MMP16: variants seen among roughly 807,000 people sequenced by gnomAD.
MMP16 encodes the protein matrix metalloproteinase-16.
Under a neutral mutation model 67.8 loss-of-function variants are expected in MMP16, and 12 were observed. The ratio of observed to expected loss-of-function variants is 0.18; its 90% CI spans 0.11 to 0.29. MMP16 has a LOEUF of 0.29. Ranked by LOEUF, MMP16 falls within the 10% of genes least tolerant of loss-of-function variation. The pLI is 1.00. For synonymous variants in MMP16, 249 were observed against 255.9 expected, an observed-to-expected ratio of 0.97 and a Z score of 0.26; for missense variants, 475 against 765.7, an observed-to-expected ratio of 0.62 and a Z score of 4.48.
At chr8:88,077,382 A>T (rs914484732) in intron 6 of MMP16, among the ~76,000 whole-genome samples, 1 of 152,166 alleles carries the variant, frequency 6.6e-6, no homozygotes, top group Admixed American at 6.6e-5. Flanking sequence ...AATTTTCCTT[A>T]TAAGTGAGAC....
At chr8:88,060,949 G>A (rs1344860425) in intron 7 of MMP16, among the ~76,000 whole-genome samples, 1 of 152,000 alleles carries the variant, frequency 6.6e-6, no homozygotes. Context: ...TTGGAATCTT[G>A]TTAGTACAGC....
At chr8:88,117,379 CA>C (rs1809453729) in intron 5 of MMP16, among the ~76,000 whole-genome samples, 1 of 152,070 alleles carries the variant, frequency 6.6e-6, no homozygotes. Flanking sequence ...CCAAAGTTTA[CA>C]CATGTAATTT....
chr8:88,043,604 A>C (rs1339216171), intron 9 of MMP16, among the ~76,000 whole-genome samples: 1 of 152,214 alleles, frequency 6.6e-6, no homozygotes, highest in African/African-American at 2.4e-5. Flanking sequence ...AAGAACTCTG[A>C]CATCTCTCAA....
rs984310920 is a variant in MMP16 at position 88,036,641 on chromosome 8, C to T, written c.*4820G>A. On this transcript the variant is annotated 3_prime_UTR_variant, in exon 10 of 10. Transcript: ENST00000286614. ...ACAATATATCAACAACATGAAGGTA[C>T]ATGAAATACAGCCGAATGATTAGAT... 3 of 151,748 alleles carry T rather than the reference C, an allele frequency of 2.0e-5. No homozygotes were observed. The highest frequency in any genetic ancestry group is 4.4e-5 in the Non-Finnish European group (3 of 67,800). The allele number at this position is 151,748 out of a possible 1,614,324, so 9.4% of individuals were successfully genotyped here.
In MMP16 at chr8:88,113,376, T is replaced by C. The variant is rs941979359; in HGVS notation, c.1083+3131A>G. ...AAATTTAGGAGAAAATAAGTGTTGATGGGCAAGGGTTGAGGAGATGAAGAC... is the reference window on the plus strand; with the variant it reads ...AAATTTAGGAGAAAATAAGTGTTGACGGGCAAGGGTTGAGGAGATGAAGAC... On this transcript the variant is annotated intron_variant, in intron 6 of 9. Coordinates refer to ENST00000286614, the MANE Select transcript of MMP16 (RefSeq NM_005941.5). Among the ~76,000 whole-genome samples the C allele has an allele frequency of 3.3e-5, 5 of 151,750 alleles. No homozygotes were observed. In the South Asian group the frequency reaches 8.3e-4, roughly 25 times the overall value.
intron 6 of MMP16, among the ~76,000 whole-genome samples, chr8:88,091,746 T>C (rs778465120): frequency 3.0e-4 from 46 of 152,022 alleles, no homozygotes; most frequent in Admixed American, 6.6e-4. Flanking sequence ...TCTAGATTTG[T>C]GCTGTCAATA....
intron 3 of MMP16, among the ~76,000 whole-genome samples, chr8:88,171,384 C>T (rs1456091861): frequency 6.6e-6 from 1 of 152,136 alleles, no homozygotes; most frequent in African/African-American, 2.4e-5. Flanking sequence ...ATGCTGATGA[C>T]ACTGGGCCTA....
In MMP16 at chr8:88,292,366, C is replaced by T. The variant is rs143278537; in HGVS notation, c.132+34709G>A. Among the ~76,000 whole-genome samples the T allele has an allele frequency of 4.6e-5, 7 of 152,186 alleles. No individual in the cohort carries two copies. In the East Asian group the frequency reaches 1.2e-3, roughly 25 times the overall value. ...TAAGAACATACCCATATACAAATAC[C>T]GCATTCAACTTCAGAGAGTTCACAG... On this transcript the variant is annotated intron_variant, in intron 1 of 9. Coordinates refer to ENST00000286614, the MANE Select transcript of MMP16 (RefSeq NM_005941.5).
chr8:88,126,630 G>A (rs1807936014), intron 4 of MMP16, among the ~76,000 whole-genome samples: 2 of 151,776 alleles, frequency 1.3e-5, no homozygotes, highest in African/African-American at 4.8e-5. Flanking sequence ...ACATGATTGT[G>A]GTAATCACTT....
intron 2 of MMP16, among the ~76,000 whole-genome samples, chr8:88,193,646 A>G (rs774491231): frequency 1.3e-5 from 2 of 152,080 alleles, no homozygotes; most frequent in Non-Finnish European, 2.9e-5. Context: ...TACCCCAACT[A>G]CCCTGATTTG....
At chr8:88,180,872 G>C (rs1808968586) in intron 3 of MMP16, among the ~76,000 whole-genome samples, 1 of 152,052 alleles carries the variant, frequency 6.6e-6, no homozygotes, top group Non-Finnish European at 1.5e-5. Context: ...AGATATGCAA[G>C]GCTGATTCAA....
chr8:88,206,251 A>C (rs1519932), intron 1 of MMP16, among the ~76,000 whole-genome samples: 146,991 of 152,234 alleles, frequency 0.97, 71,148 homozygotes, highest in East Asian at 1. Context: ...CATTCTTGAA[A>C]TTTTTCATCA....
At chr8:88,195,572 G>A (rs531811999) in intron 2 of MMP16, among the ~76,000 whole-genome samples, 7 of 152,268 alleles carry the variant, frequency 4.6e-5, no homozygotes, top group Admixed American at 6.5e-5. Flanking sequence ...GGATTTGCTG[G>A]AGGCTTTTGC....
intron 4 of MMP16, among the ~76,000 whole-genome samples, chr8:88,156,702 ATTTT>A (rs550388769): frequency 6.6e-6 from 1 of 151,202 alleles, no homozygotes; most frequent in Non-Finnish European, 1.5e-5. Context: ...GACCAATTGG[ATTTT>A]TTTTTCAGAA....
chr8:88,170,092 A>G (rs75264726), intron 3 of MMP16, among the ~76,000 whole-genome samples: 4,525 of 152,230 alleles, frequency 0.03, 227 homozygotes, highest in East Asian at 0.15. Context: ...TTTTGGATAT[A>G]TTTTGAGAAT....
chr8:88,290,157 G>A (rs2130015955), intron 1 of MMP16, among the ~76,000 whole-genome samples: 1 of 152,236 alleles, frequency 6.6e-6, no homozygotes, highest in East Asian at 1.9e-4. Context: ...CAAATAATGA[G>A]CACTGAATGC....
chr8:88,034,158 A>G lies in MMP16; in HGVS notation c.*7303T>C, dbSNP rs1226617422. ...TGACGAAAAATACTGAGGAACAAAG[A>G]CATTTCCTGGGTACCATCTCTGATG... is the stretch of plus-strand genomic sequence containing the variant. On this transcript the variant is annotated 3_prime_UTR_variant, in exon 10 of 10. Transcript: ENST00000286614. The G allele has an allele frequency of 1.3e-5, 2 of 151,846 alleles. No homozygotes were observed. The highest frequency in any genetic ancestry group is 2.9e-5 in the Non-Finnish European group (2 of 67,886). The allele number at this position is 151,846 out of a possible 1,614,324, so 9.4% of individuals were successfully genotyped here. A position where few individuals can be genotyped will look rare whatever the true frequency, so the allele number is the denominator to read the frequency against.
chr8:88,051,957 T>C (rs935642810), intron 8 of MMP16, among the ~76,000 whole-genome samples: 1 of 152,216 alleles, frequency 6.6e-6, no homozygotes, highest in Non-Finnish European at 1.5e-5. Flanking sequence ...CTGAGTTCCA[T>C]GCTGTATATG....
chr8:88,327,333 A>G lies in MMP16; in HGVS notation c.-127T>C. 1 of 1,275,042 alleles carries G rather than the reference A, an allele frequency of 7.8e-7. No homozygotes were observed. The highest frequency in any genetic ancestry group is 1.1e-6 in the Non-Finnish European group (1 of 917,426). 79.0% of individuals were successfully genotyped at this position (1,275,042 alleles called of 1,614,324 possible). On this transcript the variant is annotated 5_prime_UTR_variant, in exon 1 of 10. Coordinates refer to ENST00000286614, the MANE Select transcript of MMP16 (RefSeq NM_005941.5). ...GGGTAAGGAGCCTGCAGGTTCACCC[A>G]CAGCCGGGCAAGGGGAGGAGACAGG...
Sources: allele counts gnomAD v4.1 joint callset (sites outside exome capture counted in the v4.1 genomes callset), GRCh38; gene constraint gnomAD v4.1.1; transcripts MANE v1.5; gene names NCBI Gene and HGNC (gene_info 2026-07-23, HGNC 2026-07-21).